Variants in CRHR2 observed in about 807,000 individuals in gnomAD.
CRHR2 encodes corticotropin-releasing hormone receptor 2.
CRHR2 carries 53 observed loss-of-function variants against 57.9 expected under a neutral mutation model. That is an observed-to-expected ratio of 0.92 (90% CI 0.73 to 1.15). The LOEUF (loss-of-function observed/expected upper bound fraction) is 1.15, where lower values mean the gene tolerates loss of function less well. Among genes scored for constraint, CRHR2 ranks in the 50% most tolerant of loss-of-function variants. The pLI is 0.00. For synonymous variants in CRHR2, 213 were observed against 220.9 expected, an observed-to-expected ratio of 0.96 and a Z score of 0.32; for missense variants, 532 against 542.6, an observed-to-expected ratio of 0.98 and a Z score of 0.19.
At chr7:30,696,395 A>G (rs140318425) in intron 1 of CRHR2, among the ~76,000 whole-genome samples, 2,431 of 152,290 alleles carry the variant, frequency 0.016, 61 homozygotes, top group African/African-American at 0.054. Flanking sequence ...TCCCACAAAT[A>G]TATATACCTA....
upstream of CRHR2, chr7:30,682,548 G>T: frequency 8.2e-7 from 1 of 1,226,138 alleles, no homozygotes; most frequent in Non-Finnish European, 1.0e-6. Flanking sequence ...GGGCGGGGCC[G>T]GGCGGCTCCT....
At chr7:30,664,573 A>T (rs1437851445) in intron 5 of CRHR2, among the ~76,000 whole-genome samples, 1 of 152,074 alleles carries the variant, frequency 6.6e-6, no homozygotes, top group Admixed American at 6.5e-5. Flanking sequence ...ACTAGGATAA[A>T]TGTGTCTAGA....
intron 1 of CRHR2, among the ~76,000 whole-genome samples, chr7:30,693,922 G>A (rs1283350415): frequency 6.6e-6 from 1 of 152,172 alleles, no homozygotes; most frequent in African/African-American, 2.4e-5. Flanking sequence ...TCTTTCTTCT[G>A]AGGGGAACGT....
intron 1 of CRHR2, among the ~76,000 whole-genome samples, chr7:30,692,597 G>A (rs1784983142): frequency 6.6e-6 from 1 of 152,196 alleles, no homozygotes; most frequent in Non-Finnish European, 1.5e-5. Context: ...TCAGAGGCAG[G>A]CGAGCCCAGG....
Position 30,680,204 on chromosome 7 carries a change from A to G in CRHR2, c.229+1711T>C, listed in dbSNP as rs561171686. On this transcript the variant is annotated intron_variant, in intron 2 of 11. Coordinates refer to ENST00000471646, the MANE Select transcript of CRHR2 (RefSeq NM_001883.5). ...TTCCCCCCTAATTAGGGCATTCATCATTCTGTTCTTTTTGTCTGTTGCAAT... is the reference window on the plus strand; with the variant it reads ...TTCCCCCCTAATTAGGGCATTCATCGTTCTGTTCTTTTTGTCTGTTGCAAT... 2.0e-5 allele frequency among the ~76,000 whole-genome samples: 3 copies of G among 150,476 alleles called. No homozygotes were observed. The South Asian group carries it at 6.3e-4, about 31-fold the overall frequency.
chr7:30,655,875 C>G, intron 9 of CRHR2, 52 bp downstream of exon 9: 1 of 1,602,298 alleles, frequency 6.2e-7, no homozygotes, highest in Non-Finnish European at 8.5e-7. Context: ...GGGGGACGGC[C>G]CGATGACCTC....
chr7:30,654,656 G>A (rs1403532655), intron 11 of CRHR2: 7 of 1,527,626 alleles, frequency 4.6e-6, no homozygotes, highest in Middle Eastern at 1.7e-4. Context: ...GGTAGCGGGG[G>A]AATGTGCTGG....
At chr7:30,654,020 C>T (rs1300540698) in intron 11 of CRHR2, among the ~76,000 whole-genome samples, 1 of 152,148 alleles carries the variant, frequency 6.6e-6, no homozygotes, top group Non-Finnish European at 1.5e-5. Context: ...GCGCCTCCTC[C>T]TCCCTCCTGA....
upstream of CRHR2, chr7:30,682,642 C>T: frequency 2.2e-6 from 1 of 461,840 alleles, no homozygotes; most frequent in Non-Finnish European, 3.0e-6. Context: ...CTTCCACTCG[C>T]GGCGTCCAGA....
chr7:30,683,497 T>A (rs528972861), upstream of CRHR2, among the ~76,000 whole-genome samples: 1 of 152,272 alleles, frequency 6.6e-6, no homozygotes, highest in East Asian at 1.9e-4. Flanking sequence ...AGGGCGGGCC[T>A]GCTGTGTCTG....
At chr7:30,660,668 G>T (rs779816472) in intron 7 of CRHR2, 23 bp from the exon 8 acceptor site, 1 of 1,555,084 alleles carries the variant, frequency 6.4e-7, no homozygotes, top group Admixed American at 1.9e-5. Context: ...GGTGGCTGTA[G>T]GGGGCCTCCT....
At chr7:30,699,231 AT>A (rs1785118215) in intron 1 of CRHR2, among the ~76,000 whole-genome samples, 1 of 152,022 alleles carries the variant, frequency 6.6e-6, no homozygotes, top group African/African-American at 2.4e-5. Flanking sequence ...CTCTCTTTTG[AT>A]GGTCGCTCTG....
rs1784172122 is a variant in CRHR2, at chr7:30,665,928, A to G, written c.316-289T>C. On this transcript the variant is annotated intron_variant, in intron 3 of 11. Transcript: ENST00000471646. This position sits in a 1 kb window ranked among gnomAD's most constrained non-coding sequence, Gnocchi z 4.5. ...CCAGTGGCTATTCACAGGTGTGATC[A>G]CAGTGCACCGCAGCCTTGATCTGCA... 6.6e-6 allele frequency among the ~76,000 whole-genome samples: 1 copy of G among 152,112 alleles called. No homozygotes were observed. Among genetic ancestry groups the G allele is most frequent in the Non-Finnish European group, 1.5e-5 (1 of 68,014 alleles).
upstream of CRHR2, among the ~76,000 whole-genome samples, chr7:30,685,100 G>A (rs368596752): frequency 2.1e-4 from 32 of 152,292 alleles, no homozygotes; most frequent in South Asian, 6.4e-3. Flanking sequence ...AGGTACTTTG[G>A]AAGACCCCTG....
intron 2 of CRHR2, among the ~76,000 whole-genome samples, chr7:30,677,225 G>A (rs967069573): frequency 3.9e-5 from 6 of 152,054 alleles, no homozygotes; most frequent in African/African-American, 1.2e-4. Flanking sequence ...TAGAAAATGA[G>A]AGAATCTGAG....
At chr7:30,676,893 CCCCTTCTTCCCCT>C (rs2128146444) in intron 2 of CRHR2, among the ~76,000 whole-genome samples, 1 of 152,336 alleles carries the variant, frequency 6.6e-6, no homozygotes, top group African/African-American at 2.4e-5. Flanking sequence ...AGATGGGATG[CCCCTTCTTCCCCT>C]GTCCTGGCAG....
intron 11 of CRHR2, chr7:30,654,647 G>A: frequency 6.6e-7 from 1 of 1,521,712 alleles, no homozygotes; most frequent in Admixed American, 2.0e-5. Context: ...TCTGTGGCAG[G>A]TAGCGGGGGA....
In CRHR2 at chr7:30,680,818, T is replaced by TTGTGTGTGTG. The variant is rs60568949; in HGVS notation, c.229+1087_229+1096dup. Among the ~76,000 whole-genome samples, 262 of 145,478 alleles carry TTGTGTGTGTG rather than the reference T, an allele frequency of 1.8e-3. 4 individuals carry two copies. Among genetic ancestry groups the TTGTGTGTGTG allele is most frequent in the African/African-American group, 5.8e-3 (226 of 38,774 alleles). ...GCCCTCAGCCTCAGCTTCTGAAAGCTTGTGTGTGTGTGTGTGTGTGTGTGT... is the reference window on the plus strand; with the variant it reads ...GCCCTCAGCCTCAGCTTCTGAAAGCTTGTGTGTGTGTGTGTGTGTGTGTGTGTGTGTGTGT... On this transcript the variant is annotated intron_variant, in intron 2 of 11. Coordinates refer to ENST00000471646, the MANE Select transcript of CRHR2 (RefSeq NM_001883.5).
intron 8 of CRHR2, 31 bp downstream of exon 8, chr7:30,660,542 A>G: frequency 6.4e-7 from 1 of 1,551,606 alleles, no homozygotes; most frequent in Non-Finnish European, 8.7e-7. Context: ...CTTGGCACCC[A>G]GCCCCATCCC....
Sources: gnomAD v4.1 joint callset for allele counts (sites outside exome capture counted in the v4.1 genomes callset) on GRCh38, gnomAD v4.1.1 for gene constraint, Gnocchi (gnomAD v3.1) non-coding constraint, MANE v1.5 for transcripts, NCBI Gene and HGNC (gene_info 2026-07-23, HGNC 2026-07-21) for gene names.